Variants in ANKS1B observed in about 807,000 individuals in gnomAD.
ANKS1B encodes ankyrin repeat and sterile alpha motif domain containing 1B, also known as ankyrin repeat and sterile alpha motif domain-containing protein 1B.
ANKS1B carries 36 observed loss-of-function variants against 148.3 expected under a neutral mutation model. The ratio of observed to expected loss-of-function variants is 0.24; its 90% CI spans 0.19 to 0.32. The LOEUF (loss-of-function observed/expected upper bound fraction) is 0.32, where lower values mean the gene tolerates loss of function less well. ANKS1B is among the 10% of genes least tolerant of loss of function. The pLI is 1.00. For missense variants in ANKS1B, 1,157 were observed against 1,542.6 expected (o/e 0.75, Z 4.19); for synonymous variants, 542 against 560.8 (o/e 0.97, Z 0.47).
intron 8 of ANKS1B, among the ~76,000 whole-genome samples, chr12:99,768,963 G>A (rs1265541889): frequency 6.6e-6 from 1 of 151,062 alleles, no homozygotes; most frequent in Non-Finnish European, 1.5e-5. Flanking sequence ...AGCTCTGCTG[G>A]TACCTTCATC....
At chr12:99,712,895 C>CA (rs71088140) in intron 8 of ANKS1B, among the ~76,000 whole-genome samples, 33,250 of 152,110 alleles carry the variant, frequency 0.22, 3,776 homozygotes, top group South Asian at 0.26. Context: ...GCCATGACCT[C>CA]AGAGTTATCC....
chr12:99,918,849 T>C (rs1565997093), intron 1 of ANKS1B, among the ~76,000 whole-genome samples: 1 of 152,184 alleles, frequency 6.6e-6, no homozygotes, highest in Non-Finnish European at 1.5e-5. Flanking sequence ...CATGTATCTA[T>C]AAACACGCTC....
At chr12:99,129,305 TCA>T (rs1222734099) in intron 15 of ANKS1B, among the ~76,000 whole-genome samples, 1 of 152,166 alleles carries the variant, frequency 6.6e-6, no homozygotes, top group African/African-American at 2.4e-5. Context: ...ATAGCAGGTC[TCA>T]GTTATTCAGC....
chr12:99,302,161 T>G (rs1052095669), intron 12 of ANKS1B, among the ~76,000 whole-genome samples: 11 of 152,170 alleles, frequency 7.2e-5, no homozygotes, highest in African/African-American at 2.7e-4. Flanking sequence ...TTAGTTCATA[T>G]GAAAAGATTT....
intron 9 of ANKS1B, among the ~76,000 whole-genome samples, chr12:99,615,596 T>C (rs1392664663): frequency 6.6e-6 from 1 of 152,160 alleles, no homozygotes; most frequent in African/African-American, 2.4e-5. Context: ...TCAACACCCC[T>C]TCATGCTAAA....
At chr12:98,858,274 A>G (rs1388516660) in intron 17 of ANKS1B, among the ~76,000 whole-genome samples, 1 of 152,218 alleles carries the variant, frequency 6.6e-6, no homozygotes, top group Non-Finnish European at 1.5e-5. Flanking sequence ...ATCATAGTTT[A>G]GAGTAGAAGA....
chr12:99,872,343 G>A (rs2091616982), intron 1 of ANKS1B, among the ~76,000 whole-genome samples: 1 of 152,034 alleles, frequency 6.6e-6, no homozygotes, highest in Admixed American at 6.6e-5. Flanking sequence ...TACTTGCATA[G>A]GTCTTTTGCT....
intron 9 of ANKS1B, among the ~76,000 whole-genome samples, chr12:99,566,602 A>C (rs924570817): frequency 6.6e-6 from 1 of 152,120 alleles, no homozygotes; most frequent in Non-Finnish European, 1.5e-5. Flanking sequence ...TTAGGGTTAG[A>C]TAATGTCATC....
rs2079291452 is a variant in ANKS1B at position 99,287,436 on chromosome 12, A to G, written c.1757-40572T>C. ...TACTTGGAAAGCCTTCCCAAGAAGG[A>G]TGGGTACAAATAAGCTCAGACTGCA... On this transcript the variant is annotated intron_variant, in intron 12 of 26. Coordinates refer to ENST00000683438, the MANE Select transcript of ANKS1B (RefSeq NM_001352186.2). 3.9e-5 allele frequency among the ~76,000 whole-genome samples: 6 copies of G among 152,282 alleles called. No homozygotes were observed. In the South Asian group the frequency reaches 1.2e-3, roughly 32 times the overall value.
At chr12:99,718,116 G>A (rs372152839) in intron 8 of ANKS1B, among the ~76,000 whole-genome samples, 11 of 151,780 alleles carry the variant, frequency 7.2e-5, no homozygotes, top group East Asian at 3.9e-4. Context: ...TGTTAGCCAG[G>A]ATGGTCTCGA....
intron 12 of ANKS1B, among the ~76,000 whole-genome samples, chr12:99,397,586 AC>A (rs1329689912): frequency 2.6e-5 from 4 of 152,158 alleles, no homozygotes; most frequent in Non-Finnish European, 5.9e-5. Flanking sequence ...GAACTCTAGT[AC>A]CAGGTTTGAG....
chr12:99,281,674 A>G (rs1233967974), intron 12 of ANKS1B, among the ~76,000 whole-genome samples: 1 of 152,244 alleles, frequency 6.6e-6, no homozygotes, highest in Non-Finnish European at 1.5e-5. Flanking sequence ...GTGAAAAAAT[A>G]AAAGAACTTG....
intron 17 of ANKS1B, among the ~76,000 whole-genome samples, chr12:98,891,086 T>G (rs2099751690): frequency 6.6e-6 from 1 of 152,150 alleles, no homozygotes; most frequent in African/African-American, 2.4e-5. Flanking sequence ...AAGAGATGAA[T>G]CCATTCAAGT....
At chr12:99,411,210 G>T (rs2094694220) in intron 11 of ANKS1B, among the ~76,000 whole-genome samples, 1 of 152,190 alleles carries the variant, frequency 6.6e-6, no homozygotes, top group Non-Finnish European at 1.5e-5. Flanking sequence ...CAGGGTTGGG[G>T]GAGCTGCTAG....
intron 12 of ANKS1B, among the ~76,000 whole-genome samples, chr12:99,347,329 A>G: frequency 6.6e-6 from 1 of 151,992 alleles, no homozygotes; most frequent in East Asian, 1.9e-4. Flanking sequence ...GGCTTTGAGA[A>G]GCTTCCACAT....
At chr12:98,961,638 A>G (rs2099871593) in intron 17 of ANKS1B, among the ~76,000 whole-genome samples, 1 of 152,198 alleles carries the variant, frequency 6.6e-6, no homozygotes, top group Non-Finnish European at 1.5e-5. Flanking sequence ...TCTCAAGTAG[A>G]AAGACTAAAA....
intron 17 of ANKS1B, among the ~76,000 whole-genome samples, chr12:98,878,405 A>AC (rs2099697280): frequency 6.6e-6 from 1 of 151,792 alleles, no homozygotes; most frequent in African/African-American, 2.4e-5. Context: ...AAACAAACAA[A>AC]ATGCCCCATT....
rs1174497158 is a variant in ANKS1B, at chr12:99,160,570, G to A, written c.2420-6175C>T. Among the ~76,000 whole-genome samples the A allele has an allele frequency of 8.0e-5, 12 of 149,668 alleles. No individual in the cohort carries two copies. The East Asian group carries it at 9.9e-4, about 12-fold the overall frequency. On this transcript the variant is annotated intron_variant, in intron 14 of 26. Transcript: ENST00000683438. ...TCACCATGTTAGCCAGGATGGTCTC[G>A]ATCTCCTGACCTCATGATCTGCCTG...
intron 1 of ANKS1B, among the ~76,000 whole-genome samples, chr12:99,875,712 G>T (rs1407653891): frequency 1.3e-5 from 2 of 152,104 alleles, no homozygotes; most frequent in Non-Finnish European, 2.9e-5. Flanking sequence ...AAGAACAATG[G>T]GACTTTGGGG....
Sources: gnomAD v4.1 joint callset for allele counts (sites outside exome capture counted in the v4.1 genomes callset) on GRCh38, gnomAD v4.1.1 for gene constraint, MANE v1.5 for transcripts, NCBI Gene and HGNC (gene_info 2026-07-23, HGNC 2026-07-21) for gene names.